Variants in CEP250 observed in about 807,000 individuals in gnomAD.
CEP250 encodes the protein centrosomal protein 250.
In CEP250, 242 loss-of-function variants were observed where a neutral mutation model predicts 315.7. The ratio of observed to expected loss-of-function variants is 0.77; its 90% CI spans 0.69 to 0.85. The LOEUF (loss-of-function observed/expected upper bound fraction) is 0.85. Ranked by LOEUF, CEP250 falls within the 40% of genes least tolerant of loss-of-function variation. The pLI, the probability that CEP250 is intolerant of heterozygous loss-of-function variation, is 0.00. For missense variants in CEP250, 2,515 were observed against 2,886.4 expected (o/e 0.87, Z 2.95); for synonymous variants, 1,088 against 1,175.0 (o/e 0.93, Z 1.51).
At position 35,512,344 on chromosome 20, in the gene CEP250, G is replaced by C. The variant is rs1365885664; in HGVS notation, c.*718G>C. ...AAGACTGGTCTGACTGTGGCAGGGG[G>C]TTGGGGCTGAGCTTGGGTGGGTTGA... On this transcript the variant is annotated 3_prime_UTR_variant, in exon 35 of 35. Transcript: ENST00000397527. The C allele has an allele frequency of 6.6e-6, 1 of 152,394 alleles. No individual in the cohort carries two copies. Among genetic ancestry groups the C allele is most frequent in the Non-Finnish European group, 1.5e-5 (1 of 68,218 alleles). 9.4% of individuals were successfully genotyped at this position (152,394 alleles called of 1,614,324 possible).
Position 35,506,744 on chromosome 20 carries a change from G to A in CEP250, c.6637-994G>A, listed in dbSNP as rs139675306. On this transcript the variant is annotated intron_variant, in intron 30 of 34. Coordinates refer to ENST00000397527, the MANE Select transcript of CEP250 (RefSeq NM_007186.6). ...GCGGCTTATCAGCTGTGTAACCCCG[G>A]GTGAATGCCTTCACTCTGATCTTCA... Among the ~76,000 whole-genome samples the A allele has an allele frequency of 3.0e-3, 449 of 152,190 alleles. 3 individuals are homozygous for A. Among genetic ancestry groups the A allele is most frequent in the Non-Finnish European group, 5.0e-3 (343 of 68,012 alleles).
At chr20:35,476,617 C>T (rs768001213) in intron 16 of CEP250, 22 bp downstream of exon 16, 5 of 1,606,784 alleles carry the variant, frequency 3.1e-6, no homozygotes, top group Non-Finnish European at 4.3e-6. Context: ...TTTTCCTGGT[C>T]CCCACAGAAG....
At chr20:35,456,936 C>T (rs1403186439) in intron 1 of CEP250, among the ~76,000 whole-genome samples, 2 of 152,068 alleles carry the variant, frequency 1.3e-5, no homozygotes, top group African/African-American at 2.4e-5. Flanking sequence ...CGCCCGCCAC[C>T]GTGCCTGGCT....
In CEP250 at chr20:35,515,389, T is replaced by C. The variant is rs937662659; in HGVS notation, c.*3763T>C. On this transcript the variant is annotated 3_prime_UTR_variant, in exon 35 of 35. Transcript: ENST00000397527. Reference sequence around the variant, plus strand: ...GGGCTTCAGGGCCCATCTGAAGTGCTGATCAAACCAGGCAGACACACCATG... The same window carrying C: ...GGGCTTCAGGGCCCATCTGAAGTGCCGATCAAACCAGGCAGACACACCATG... 20 of 152,398 alleles carry C rather than the reference T, an allele frequency of 1.3e-4. No individual in the cohort carries two copies. The highest frequency in any genetic ancestry group is 4.8e-4 in the African/African-American group (20 of 41,578). 9.4% of individuals were successfully genotyped at this position (152,398 alleles called of 1,614,324 possible). A position where few individuals can be genotyped will look rare whatever the true frequency, so the allele number is the denominator to read the frequency against.
At position 35,504,651 on chromosome 20, in the gene CEP250, G is replaced by T; in HGVS notation, c.6282G>T (p.Gln2094His). 6.2e-7 allele frequency: 1 copy of T among 1,614,196 alleles called. No homozygotes were observed. Among genetic ancestry groups the T allele is most frequent in the Non-Finnish European group, 8.5e-7 (1 of 1,180,022 alleles). ...REEEEIRGLH[Q>H]SVRELQLTLA... ...AGGAGGAGATAAGGGGCCTTCATCA[G>T]AGTGTAAGGGAGCTACAGCTGACTC... The change falls in exon 30 of 35, where the codon CAG (glutamine) becomes CAT (histidine). Residue 2094 changes from glutamine to histidine, a missense_variant. Gln to His is a conservative substitution (Grantham distance 24). Coordinates refer to ENST00000397527, the MANE Select transcript of CEP250 (RefSeq NM_007186.6).
At position 35,503,308 on chromosome 20, in the gene CEP250, G is replaced by C; in HGVS notation, c.4939G>C (p.Glu1647Gln). 6.2e-7 allele frequency: 1 copy of C among 1,614,182 alleles called. No homozygotes were observed. The highest frequency in any genetic ancestry group is 2.2e-5 in the East Asian group (1 of 44,880). ...GATCGAGGAGCTGCAGAGGCAGAAA[G>C]AGCATCTGACTCAGGATCTCGAGAG... Reference protein sequence around the residue: ...EQIEELQRQKEHLTQDLERRD... With the variant: ...EQIEELQRQKQHLTQDLERRD... The change falls in exon 30 of 35, where the codon GAG becomes CAG. Residue 1647 changes from glutamate (E) to glutamine (Q), a missense_variant. Transcript: ENST00000397527. This position sits in a 1 kb window ranked among gnomAD's most constrained non-coding sequence, Gnocchi z 4.2.
At chr20:35,491,068 A>G in intron 21 of CEP250, 144 bp from the exon 22 acceptor site, 1 of 1,008,336 alleles carries the variant, frequency 9.9e-7, no homozygotes, top group Non-Finnish European at 1.4e-6. Flanking sequence ...CTTGTTCTGA[A>G]CCCATGGGCT....
Position 35,517,019 on chromosome 20 carries a change from C to T in CEP250, c.*5393C>T. Reference sequence around the variant, plus strand: ...GGCAAGTGGCATGCTGACTCAGACACCGGGCACTGAGAAAAGTGGGAAGCC... The same window carrying T: ...GGCAAGTGGCATGCTGACTCAGACATCGGGCACTGAGAAAAGTGGGAAGCC... On this transcript the variant is annotated 3_prime_UTR_variant, in exon 35 of 35. Transcript: ENST00000397527. The T allele has an allele frequency of 3.0e-6, 3 of 985,556 alleles. No homozygotes were observed. The highest frequency in any genetic ancestry group is 3.6e-6 in the Non-Finnish European group (3 of 830,010). 61.1% of individuals were successfully genotyped at this position (985,556 alleles called of 1,614,324 possible). A position where few individuals can be genotyped will look rare whatever the true frequency, so the allele number is the denominator to read the frequency against.
At position 35,497,775 on chromosome 20, in the gene CEP250, A is replaced by G; in HGVS notation, c.3363A>G (p.Glu1121=). 1 of 1,561,244 alleles carries G rather than the reference A, an allele frequency of 6.4e-7. No homozygotes were observed. The highest frequency in any genetic ancestry group is 8.7e-7 in the Non-Finnish European group (1 of 1,151,946). Residue 1121 remains glutamate, a synonymous_variant, in exon 26 of 35, where the codon GAA becomes GAG. Coordinates refer to ENST00000397527, the MANE Select transcript of CEP250 (RefSeq NM_007186.6). ...KEKEADFLAQ[E]AQLLEELEAS... ...AGGAGGCTGACTTTCTGGCCCAGGA[A>G]GCACAGCTGCTGGAGGAGCTGGAGG...
At position 35,510,054 on chromosome 20, in the gene CEP250, G is replaced by C. The variant is rs764790289; in HGVS notation, c.7065G>C (p.Glu2355Asp). 1 of 1,614,078 alleles carries C rather than the reference G, an allele frequency of 6.2e-7. No homozygotes were observed. Among genetic ancestry groups the C allele is most frequent in the African/African-American group, 1.3e-5 (1 of 75,040 alleles). The change falls in exon 34 of 35, where the codon GAG becomes GAC. Residue 2355 changes from glutamate (E) to aspartate (D), a missense_variant and splice_region_variant. Transcript: ENST00000397527. The part of the protein sequence containing the change: ...DAKCVAELQK[E>D]VVLLQAQLTL... ...AGTGTGTGGCTGAACTGCAGAAAGA[G>C]GTATGTTCTGGATTTTCTAAGCCCA...
intron 19 of CEP250, 81 bp downstream of exon 19, chr20:35,479,854 GTC>G: frequency 6.2e-7 from 1 of 1,604,192 alleles, no homozygotes; most frequent in South Asian, 1.1e-5. Context: ...ACTATTAGAG[GTC>G]CTTCTCCAGC....
At chr20:35,467,943 CTTTT>C (rs10649518) in intron 9 of CEP250, among the ~76,000 whole-genome samples, 6 of 117,978 alleles carry the variant, frequency 5.1e-5, no homozygotes, top group Admixed American at 1.9e-4. Context: ...AATATTACCT[CTTTT>C]TTTTTTTTTT....
At chr20:35,471,196 T>C (rs1363236025) in intron 10 of CEP250, among the ~76,000 whole-genome samples, 1 of 152,174 alleles carries the variant, frequency 6.6e-6, no homozygotes, top group Non-Finnish European at 1.5e-5. Context: ...GTAAGAATTC[T>C]GGTTTTCCAG....
Position 35,479,960 on chromosome 20 carries a change from GT to G in CEP250, c.2417-15del, listed in dbSNP as rs1196989233. On this transcript the variant is annotated splice_polypyrimidine_tract_variant and intron_variant, in intron 19 of 34. Coordinates refer to ENST00000397527, the MANE Select transcript of CEP250 (RefSeq NM_007186.6). ...AAGGAGGGGGCGGAGGCCTGATCCTGTCCCTGGCATGTTAGGGGAAGTGAGG... is the reference window on the plus strand; with the variant it reads ...AAGGAGGGGGCGGAGGCCTGATCCTGCCCTGGCATGTTAGGGGAAGTGAGG... 6.2e-7 allele frequency: 1 copy of G among 1,612,716 alleles called. No individual in the cohort carries two copies. The highest frequency in any genetic ancestry group is 1.3e-5 in the African/African-American group (1 of 74,908).
intron 26 of CEP250, 93 bp from the exon 27 acceptor site, chr20:35,498,502 G>A (rs1038748313): frequency 2.7e-6 from 4 of 1,477,124 alleles, no homozygotes; most frequent in African/African-American, 2.9e-5. Flanking sequence ...GGAGAGGAGG[G>A]ACCAGTTGGA....
Position 35,508,203 on chromosome 20 carries a change from C to T in CEP250, c.6906+13C>T. 4.3e-6 allele frequency: 7 copies of T among 1,613,534 alleles called. No individual in the cohort carries two copies. Among genetic ancestry groups the T allele is most frequent in the Non-Finnish European group, 5.1e-6 (6 of 1,179,748 alleles). On this transcript the variant is annotated intron_variant, in intron 32 of 34. Coordinates refer to ENST00000397527, the MANE Select transcript of CEP250 (RefSeq NM_007186.6). ...TACCTTGGAGCAGGTGACCCCTCTT[C>T]TTGTCCAGTGGGCATGCATCTCCAC...
At position 35,516,947 on chromosome 20, in the gene CEP250, A is replaced by C. The variant is rs2064441581; in HGVS notation, c.*5321A>C. On this transcript the variant is annotated 3_prime_UTR_variant, in exon 35 of 35. Transcript: ENST00000397527. ...CAGCCACAGGTGAGCATAAGCTCAA[A>C]CCCCCCCATTGAAGGCTACATTCTT... 8 of 984,220 alleles carry C rather than the reference A, an allele frequency of 8.1e-6. No homozygotes were observed. The highest frequency in any genetic ancestry group is 9.7e-6 in the Non-Finnish European group (8 of 828,972). 61.0% of individuals were successfully genotyped at this position (984,220 alleles called of 1,614,324 possible). A position where few individuals can be genotyped will look rare whatever the true frequency, so the allele number is the denominator to read the frequency against.
At chr20:35,490,552 A>G (rs970348373) in intron 20 of CEP250, 85 bp from the exon 21 acceptor site, 1 of 1,298,976 alleles carries the variant, frequency 7.7e-7, no homozygotes, top group Admixed American at 2.3e-5. Flanking sequence ...AGTGAGTAGT[A>G]GAGAGACTTT....
At chr20:35,497,673 G>A (rs2063878998) in intron 25 of CEP250, 46 bp from the exon 26 acceptor site, 1 of 1,370,246 alleles carries the variant, frequency 7.3e-7, no homozygotes, top group South Asian at 1.4e-5. Context: ...CCTGAGGAGA[G>A]GGTATCCGCT....
Sources: gnomAD v4.1 joint callset for allele counts (sites outside exome capture counted in the v4.1 genomes callset) on GRCh38, gnomAD v4.1.1 for gene constraint, Gnocchi (gnomAD v3.1) non-coding constraint, MANE v1.5 for transcripts, NCBI Gene and HGNC (gene_info 2026-07-23, HGNC 2026-07-21) for gene names.